The following AGBL4 variants were observed in gnomAD, a reference collection of about 807,000 sequenced individuals.
AGBL4 encodes cytosolic carboxypeptidase 6.
AGBL4 carries 58 observed loss-of-function variants against 66.4 expected under a neutral mutation model. The ratio of observed to expected loss-of-function variants is 0.87; its 90% CI spans 0.71 to 1.09. The LOEUF is 1.09. Among genes scored for constraint, AGBL4 ranks in the 50% least tolerant of loss-of-function variants. The pLI is 0.00. For synonymous variants in AGBL4, 234 were observed against 222.9 expected (o/e 1.05, Z -0.44); for missense variants, 579 against 631.0 (o/e 0.92, Z 0.88).
intron 4 of AGBL4, among the ~76,000 whole-genome samples, chr1:49,073,360 T>C (rs1644648194): frequency 6.6e-6 from 1 of 152,246 alleles, no homozygotes; most frequent in Admixed American, 6.5e-5. Context: ...CTTTCTGCAC[T>C]GGTTTCTCCC....
At chr1:49,673,201 T>C in intron 3 of AGBL4, among the ~76,000 whole-genome samples, 1 of 152,172 alleles carries the variant, frequency 6.6e-6, no homozygotes, top group East Asian at 1.9e-4. Context: ...CTATTTCTCT[T>C]TCACATTTAA....
At chr1:49,273,127 C>T (rs1644095864) in intron 3 of AGBL4, among the ~76,000 whole-genome samples, 1 of 152,070 alleles carries the variant, frequency 6.6e-6, no homozygotes, top group African/African-American at 2.4e-5. Context: ...CACTCATGGG[C>T]AGTATTCTCA....
chr1:48,948,520 C>G (rs1251867006), intron 5 of AGBL4, among the ~76,000 whole-genome samples: 2 of 152,208 alleles, frequency 1.3e-5, no homozygotes, highest in Non-Finnish European at 2.9e-5. Flanking sequence ...ACGTCTTCCT[C>G]CCTACTAATG....
intron 11 of AGBL4, among the ~76,000 whole-genome samples, chr1:48,542,956 A>C (rs985002288): frequency 6.6e-6 from 1 of 152,196 alleles, no homozygotes. Context: ...GACTCATTCA[A>C]TTCTCACAAT....
chr1:49,377,047 T>G (rs1000570711), intron 3 of AGBL4, among the ~76,000 whole-genome samples: 2 of 152,108 alleles, frequency 1.3e-5, no homozygotes, highest in African/African-American at 4.8e-5. Flanking sequence ...TGAATTCAAC[T>G]TTTCTTAAAA....
intron 5 of AGBL4, among the ~76,000 whole-genome samples, chr1:48,948,364 C>T (rs1050362606): frequency 1.3e-5 from 2 of 152,208 alleles, no homozygotes; most frequent in African/African-American, 2.4e-5. Flanking sequence ...TGAGTCCCAG[C>T]GACAGCCTGC....
intron 3 of AGBL4, among the ~76,000 whole-genome samples, chr1:49,341,288 C>T (rs1196300473): frequency 6.6e-6 from 1 of 152,136 alleles, no homozygotes. Context: ...GGAGAAACCT[C>T]CAAACCAAAG....
chr1:49,015,090 GCA>G (rs1252083357), intron 5 of AGBL4, among the ~76,000 whole-genome samples: 1 of 152,162 alleles, frequency 6.6e-6, no homozygotes, highest in Non-Finnish European at 1.5e-5. Flanking sequence ...ACTATTTCTT[GCA>G]CAAAGTGGTT....
At chr1:49,576,598 T>C (rs1317000960) in intron 3 of AGBL4, among the ~76,000 whole-genome samples, 2 of 152,192 alleles carry the variant, frequency 1.3e-5, no homozygotes, top group Non-Finnish European at 2.9e-5. Context: ...ATGAACTGAG[T>C]GCATTCTGAC....
intron 5 of AGBL4, among the ~76,000 whole-genome samples, chr1:48,935,035 C>A (rs1026775796): frequency 1.3e-5 from 2 of 152,136 alleles, no homozygotes; most frequent in Admixed American, 6.5e-5. Flanking sequence ...TCTGAGAGTA[C>A]AAATGTATCA....
At chr1:49,642,385 G>A (rs1645799587) in intron 3 of AGBL4, among the ~76,000 whole-genome samples, 2 of 151,978 alleles carry the variant, frequency 1.3e-5, no homozygotes, top group African/African-American at 4.8e-5. Context: ...TCCAAGCACA[G>A]CACAAGGGAG....
At chr1:49,352,001 A>G (rs915546504) in intron 3 of AGBL4, among the ~76,000 whole-genome samples, 2 of 152,156 alleles carry the variant, frequency 1.3e-5, no homozygotes, top group African/African-American at 4.8e-5. Flanking sequence ...CTCTTTTTCA[A>G]TTAACTTCCT....
intron 1 of AGBL4, among the ~76,000 whole-genome samples, chr1:49,921,574 A>C (rs1652255769): frequency 6.6e-6 from 1 of 152,172 alleles, no homozygotes. Flanking sequence ...GTAGTGGCTC[A>C]GTCCAAGTCC....
intron 4 of AGBL4, among the ~76,000 whole-genome samples, chr1:49,075,060 C>A (rs1000961879): frequency 6.6e-6 from 1 of 152,164 alleles, no homozygotes; most frequent in Non-Finnish European, 1.5e-5. Context: ...TAATTCAGTT[C>A]ATTCCCTGGA....
chr1:48,786,825 A>G (rs1645418187), intron 6 of AGBL4, among the ~76,000 whole-genome samples: 1 of 141,816 alleles, frequency 7.1e-6, no homozygotes, highest in African/African-American at 2.8e-5. Context: ...AAAGGAGACA[A>G]CTGGATAGCC....
At chr1:48,527,551 C>G in the AGBL4 span, among the ~76,000 whole-genome samples, 86 of 150,752 alleles carry the variant, frequency 5.7e-4, no homozygotes, top group African/African-American at 1.9e-3. Context: ...GAGCTGAGAT[C>G]GTGCCACTGT....
chr1:48,965,596 C>T (rs1658355357), intron 5 of AGBL4, among the ~76,000 whole-genome samples: 1 of 152,092 alleles, frequency 6.6e-6, no homozygotes, highest in Non-Finnish European at 1.5e-5. Flanking sequence ...TACTTTTGCT[C>T]CTGGTCTTCG....
chr1:48,716,194 C>A (rs1647047559), intron 6 of AGBL4, among the ~76,000 whole-genome samples: 1 of 152,170 alleles, frequency 6.6e-6, no homozygotes, highest in African/African-American at 2.4e-5. Context: ...TATCCTACTT[C>A]AGTCCCTGCA....
intron 4 of AGBL4, among the ~76,000 whole-genome samples, chr1:49,086,693 C>T (rs1486613087): frequency 6.6e-6 from 1 of 152,006 alleles, no homozygotes; most frequent in African/African-American, 2.4e-5. Context: ...ACCCTTGCCT[C>T]TTGTAGCCAG....
Sources: gnomAD v4.1 joint callset for allele counts (sites outside exome capture counted in the v4.1 genomes callset) on GRCh38, gnomAD v4.1.1 for gene constraint, MANE v1.5 for transcripts, NCBI Gene and HGNC (gene_info 2026-07-23, HGNC 2026-07-21) for gene names.